The following VAV2 variants were observed in gnomAD, a reference collection of about 807,000 sequenced individuals.
The protein encoded by VAV2 is guanine nucleotide exchange factor VAV2.
A neutral mutation model predicts 132.5 loss-of-function variants in VAV2; 67 were observed. That is an observed-to-expected ratio of 0.51 (90% CI 0.42 to 0.62). The LOEUF (loss-of-function observed/expected upper bound fraction) is 0.62, where lower values mean the gene tolerates loss of function less well. Among genes scored for constraint, VAV2 ranks in the 20% least tolerant of loss-of-function variants. The pLI is 0.00. For missense variants in VAV2, 938 were observed against 1,153.6 expected (o/e 0.81, Z 2.71); for synonymous variants, 492 against 443.5 (o/e 1.11, Z -1.37).
At chr9:133,903,513 G>GAA (rs1381192291) in intron 2 of VAV2, among the ~76,000 whole-genome samples, 1 of 152,202 alleles carries the variant, frequency 6.6e-6, no homozygotes, top group Admixed American at 6.5e-5. Flanking sequence ...TGCCAGTCAG[G>GAA]AGAGGTTTTG....
At chr9:133,942,961 C>T (rs1013827802) in intron 1 of VAV2, among the ~76,000 whole-genome samples, 3 of 152,172 alleles carry the variant, frequency 2.0e-5, no homozygotes, top group South Asian at 4.1e-4. Flanking sequence ...AGGCCACACA[C>T]GGCCCGGCCT....
intron 1 of VAV2, among the ~76,000 whole-genome samples, chr9:133,959,848 G>T (rs914528759): frequency 3.9e-5 from 6 of 152,170 alleles, no homozygotes; most frequent in South Asian, 2.1e-4. Context: ...CGCAGGAGGT[G>T]GGGGAGGCAG....
chr9:133,836,734 C>T lies in VAV2; in HGVS notation c.381-2394G>A, dbSNP rs545790294. On this transcript the variant is annotated intron_variant, in intron 3 of 29. Transcript: ENST00000371850. Reference sequence around the variant, plus strand: ...ATCGAACCCTGGATTATCAACAGGACGGCCATTCGGGGACTGTACTTCTAG... The same window carrying T: ...ATCGAACCCTGGATTATCAACAGGATGGCCATTCGGGGACTGTACTTCTAG... Among the ~76,000 whole-genome samples the T allele has an allele frequency of 3.9e-5, 6 of 152,294 alleles. No individual in the cohort carries two copies. In the South Asian group the frequency reaches 6.2e-4, roughly 16 times the overall value.
intron 1 of VAV2, among the ~76,000 whole-genome samples, chr9:133,940,638 C>G (rs1291600312): frequency 6.6e-6 from 1 of 150,666 alleles, no homozygotes; most frequent in East Asian, 2.0e-4. Context: ...ACAGACTCAT[C>G]TGTTTTATCC....
In VAV2 at chr9:133,879,154, G is replaced by A. The variant is rs761662065; in HGVS notation, c.322-17722C>T. Among the ~76,000 whole-genome samples, 5 of 152,218 alleles carry A rather than the reference G, an allele frequency of 3.3e-5. No individual in the cohort carries two copies. The highest frequency in any genetic ancestry group is 7.3e-5 in the Non-Finnish European group (5 of 68,044). Reference sequence around the variant, plus strand: ...TGGACCCCGTCTCAGCTGCAGACTCGCAGCAGTGCCGGAGCTCTCTGCGCC... The same window carrying A: ...TGGACCCCGTCTCAGCTGCAGACTCACAGCAGTGCCGGAGCTCTCTGCGCC... On this transcript the variant is annotated intron_variant, in intron 2 of 29. Coordinates refer to ENST00000371850, the MANE Select transcript of VAV2 (RefSeq NM_001134398.2). This position sits in a 1 kb window ranked among gnomAD's most constrained non-coding sequence, Gnocchi z 4.4.
chr9:133,898,240 G>C (rs1268523566), intron 2 of VAV2, among the ~76,000 whole-genome samples: 2 of 152,092 alleles, frequency 1.3e-5, no homozygotes, highest in Non-Finnish European at 2.9e-5. Context: ...GGTGGCCAGA[G>C]GGGCTCCAAG....
chr9:133,875,351 G>A (rs1428892241), intron 2 of VAV2, among the ~76,000 whole-genome samples: 1 of 152,196 alleles, frequency 6.6e-6, no homozygotes, highest in East Asian at 1.9e-4. Context: ...CACAGCCCCG[G>A]GGAGCTATCC....
rs764171704 is a variant in VAV2, at chr9:133,857,088, T to C, written c.380+4286A>G. Among the ~76,000 whole-genome samples, 2 of 152,164 alleles carry C rather than the reference T, an allele frequency of 1.3e-5. No homozygotes were observed. The highest frequency in any genetic ancestry group is 6.5e-5 in the Admixed American group (1 of 15,280). On this transcript the variant is annotated intron_variant, in intron 3 of 29. Transcript: ENST00000371850. This position sits in a 1 kb window ranked among gnomAD's most constrained non-coding sequence, Gnocchi z 4.0. ...ATTTGGCTGACAGAAGCTTCCTTCA[T>C]GGGACCTGACCTCCCAGCCTGAGGA...
chr9:133,791,278 G>A (rs969678567), intron 13 of VAV2, among the ~76,000 whole-genome samples: 37 of 152,168 alleles, frequency 2.4e-4, no homozygotes, highest in African/African-American at 6.8e-4. Context: ...GGAGCCCCAG[G>A]AGGTGGCAGC....
At chr9:133,817,232 C>T (rs995605621) in intron 4 of VAV2, among the ~76,000 whole-genome samples, 11 of 151,744 alleles carry the variant, frequency 7.2e-5, no homozygotes, top group African/African-American at 2.7e-4. Flanking sequence ...AATGTTTATT[C>T]TGCTTCCTTC....
intron 25 of VAV2, among the ~76,000 whole-genome samples, chr9:133,773,756 G>A (rs577800851): frequency 8.5e-5 from 13 of 152,130 alleles, no homozygotes; most frequent in Admixed American, 2.0e-4. Flanking sequence ...TTTTTGCTGA[G>A]TAGAAGGAGT....
At chr9:133,889,485 C>G (rs190768022) in intron 2 of VAV2, among the ~76,000 whole-genome samples, 415 of 152,276 alleles carry the variant, frequency 2.7e-3, no homozygotes, top group African/African-American at 9.6e-3. Context: ...CCTGAGACCC[C>G]TGGAAAGACT....
chr9:133,799,973 A>C (rs1834869279), intron 9 of VAV2, among the ~76,000 whole-genome samples: 1 of 152,208 alleles, frequency 6.6e-6, no homozygotes, highest in African/African-American at 2.4e-5. Flanking sequence ...AGCCATGCGC[A>C]GAAGACACGC....
chr9:133,916,816 A>AG (rs1676539867), intron 2 of VAV2, among the ~76,000 whole-genome samples: 1 of 152,010 alleles, frequency 6.6e-6, no homozygotes, highest in Non-Finnish European at 1.5e-5. Flanking sequence ...GTTTAGGTCA[A>AG]GGGGTGTGAA....
chr9:133,785,913 C>T lies in VAV2; in HGVS notation c.1423-28G>A, dbSNP rs910216908. The stretch of plus-strand genomic sequence containing the variant: ...GCAGGGGGGAGAGGGGCCATGCTTG[C>T]AATAGACACGGCTTCAGACATCCTG... On this transcript the variant is annotated intron_variant, in intron 16 of 29. Coordinates refer to ENST00000371850, the MANE Select transcript of VAV2 (RefSeq NM_001134398.2). 6 of 1,594,950 alleles carry T rather than the reference C, an allele frequency of 3.8e-6. No individual in the cohort carries two copies. The African/African-American group carries it at 8.0e-5, about 21-fold the overall frequency.
intron 1 of VAV2, among the ~76,000 whole-genome samples, chr9:133,984,815 C>T (rs1170161441): frequency 2.0e-5 from 3 of 150,976 alleles, no homozygotes; most frequent in Non-Finnish European, 4.4e-5. Context: ...GGCTGAGATG[C>T]GATAATTACT....
chr9:133,992,136 T>C lies in VAV2; in HGVS notation c.143A>G (p.His48Arg), dbSNP rs1312810374. The C allele has an allele frequency of 6.3e-7, 1 of 1,594,738 alleles. No individual in the cohort carries two copies. Among genetic ancestry groups the C allele is most frequent in the South Asian group, 1.1e-5 (1 of 89,118 alleles). Residue 48 changes from histidine to arginine, a missense_variant, in exon 1 of 30, where the codon CAC (histidine) becomes CGC (arginine). His to Arg is a conservative substitution (Grantham distance 29). Transcript: ENST00000371850. This position sits in a 1 kb window ranked among gnomAD's most constrained non-coding sequence, Gnocchi z 5.5. ...RDGVLLCQLL[H>R]NLSPGSIDLK... The stretch of plus-strand genomic sequence containing the variant: ...GTCGATGGAGCCGGGGGAGAGGTTG[T>C]GCAGCAGCTGGCACAGAAGGACCCC...
chr9:133,988,541 A>G (rs1290473591), intron 1 of VAV2, among the ~76,000 whole-genome samples: 1 of 152,184 alleles, frequency 6.6e-6, no homozygotes, highest in African/African-American at 2.4e-5. Flanking sequence ...ACAGCAGGGC[A>G]GGTAAGAAAG....
chr9:133,847,767 G>A (rs946558488), intron 3 of VAV2, among the ~76,000 whole-genome samples: 1 of 152,164 alleles, frequency 6.6e-6, no homozygotes, highest in African/African-American at 2.4e-5. Flanking sequence ...AGGATCAAGG[G>A]GAACATTTAA....
Sources: allele counts gnomAD v4.1 joint callset (sites outside exome capture counted in the v4.1 genomes callset), GRCh38; gene constraint gnomAD v4.1.1; non-coding constraint Gnocchi (gnomAD v3.1); transcripts MANE v1.5; gene names NCBI Gene and HGNC (gene_info 2026-07-23, HGNC 2026-07-21).